The following EYS variants were observed in gnomAD, a reference collection of about 807,000 sequenced individuals.
EYS encodes protein eyes shut homolog.
Under a neutral mutation model 282.1 loss-of-function variants are expected in EYS, and 250 were observed. That is an observed-to-expected ratio of 0.89 (90% CI 0.80 to 0.98). The LOEUF is 0.98. Ranked by LOEUF, EYS falls within the 50% of genes least tolerant of loss-of-function variation. EYS has a pLI of 0.00. For synonymous variants in EYS, 1,355 were observed against 1,282.9 expected (o/e 1.06, Z -1.20); for missense variants, 4,016 against 3,709.0 (o/e 1.08, Z -2.15).
At chr6:64,321,500 G>A (rs984659729) in intron 29 of EYS, among the ~76,000 whole-genome samples, 2 of 151,824 alleles carry the variant, frequency 1.3e-5, no homozygotes, top group Admixed American at 1.3e-4. Flanking sequence ...ATATTATGGT[G>A]AGTAAATTAA....
intron 29 of EYS, among the ~76,000 whole-genome samples, chr6:64,352,864 C>A (rs1771689401): frequency 6.6e-6 from 1 of 151,498 alleles, no homozygotes; most frequent in Admixed American, 6.6e-5. Context: ...TCTTGCTCAA[C>A]TCCTTCCAAA....
rs180962994 is a variant in EYS at position 64,594,704 on chromosome 6, G to C, written c.3685-1395C>G. ...CGGGGACTGTTGTGGGGTGGGGGGA[G>C]GGGGAGGGATAGCATTAGGAGATAT... On this transcript the variant is annotated intron_variant, in intron 24 of 42. Coordinates refer to ENST00000503581, the MANE Select transcript of EYS (RefSeq NM_001142800.2). Among the ~76,000 whole-genome samples, 354 of 125,100 alleles carry C rather than the reference G, an allele frequency of 2.8e-3. 8 individuals are homozygous for C. Among genetic ancestry groups the C allele is most frequent in the African/African-American group, 9.8e-3 (327 of 33,490 alleles). The allele number at this position is 125,100 out of a possible 152,430, so 82.1% of individuals were successfully genotyped here.
chr6:64,773,623 A>G (rs1339938871), intron 22 of EYS, among the ~76,000 whole-genome samples: 4 of 151,818 alleles, frequency 2.6e-5, no homozygotes, highest in Admixed American at 6.6e-5. Flanking sequence ...TTTCTCTGCA[A>G]TCTCACCAGA....
At chr6:65,270,262 C>G (rs1767862911) in intron 12 of EYS, among the ~76,000 whole-genome samples, 2 of 152,294 alleles carry the variant, frequency 1.3e-5, no homozygotes, top group South Asian at 2.1e-4. Context: ...AGCAAGGAAA[C>G]TCCAGGTGAT....
chr6:65,425,603 G>A (rs190827244), intron 5 of EYS, among the ~76,000 whole-genome samples: 1 of 152,256 alleles, frequency 6.6e-6, no homozygotes, highest in East Asian at 1.9e-4. Context: ...AAGCATTTAT[G>A]TTAAACTTGG....
At chr6:65,097,447 C>CA (rs1774771325) in intron 12 of EYS, among the ~76,000 whole-genome samples, 1 of 150,734 alleles carries the variant, frequency 6.6e-6, no homozygotes, top group African/African-American at 2.4e-5. Context: ...AAATTCCTCT[C>CA]AAAATGGTAA....
intron 34 of EYS, among the ~76,000 whole-genome samples, chr6:63,993,894 G>A (rs1767714949): frequency 4.0e-5 from 6 of 151,836 alleles, no homozygotes; most frequent in Admixed American, 3.3e-4. Flanking sequence ...TGACTTCACA[G>A]TATATTACAG....
In EYS at chr6:65,315,387, T is replaced by G. The variant is rs115775770; in HGVS notation, c.1767-19268A>C. On this transcript the variant is annotated intron_variant, in intron 11 of 42. Coordinates refer to ENST00000503581, the MANE Select transcript of EYS (RefSeq NM_001142800.2). ...TGGATGAACATTGCTGTAAAACTATTCAAGTTAAAAAATAATATTTCCAGT... is the reference window on the plus strand; with the variant it reads ...TGGATGAACATTGCTGTAAAACTATGCAAGTTAAAAAATAATATTTCCAGT... Among the ~76,000 whole-genome samples, 1,445 of 152,274 alleles carry G rather than the reference T, an allele frequency of 9.5e-3. 25 individuals carry two copies. The highest frequency in any genetic ancestry group is 0.033 in the African/African-American group (1,353 of 41,544).
intron 22 of EYS, among the ~76,000 whole-genome samples, chr6:64,710,511 A>T (rs887521083): frequency 1.3e-5 from 2 of 152,212 alleles, no homozygotes; most frequent in East Asian, 3.9e-4. Flanking sequence ...GAAACCTGGA[A>T]TTGGGCCCTT....
intron 33 of EYS, among the ~76,000 whole-genome samples, chr6:64,009,514 G>A (rs1362527101): frequency 2.0e-5 from 3 of 152,062 alleles, no homozygotes; most frequent in Non-Finnish European, 4.4e-5. Flanking sequence ...TCAATCTCTT[G>A]ACCTCGTGAT....
At chr6:65,448,721 AAAT>A (rs1339335824) in intron 5 of EYS, among the ~76,000 whole-genome samples, 2 of 152,026 alleles carry the variant, frequency 1.3e-5, no homozygotes, top group African/African-American at 4.8e-5. Flanking sequence ...GACTTCTTTG[AAAT>A]AATTTTTTTC....
chr6:65,544,556 A>C (rs1424516193), intron 2 of EYS, among the ~76,000 whole-genome samples: 1 of 152,064 alleles, frequency 6.6e-6, no homozygotes, highest in African/African-American at 2.4e-5. Context: ...GTGAAGAAGA[A>C]TGTGTTCACT....
intron 36 of EYS, among the ~76,000 whole-genome samples, chr6:63,812,208 C>T (rs1303054831): frequency 6.6e-6 from 1 of 152,186 alleles, no homozygotes; most frequent in East Asian, 1.9e-4. Flanking sequence ...CATTCTGCTG[C>T]AGCCATGCTA....
At chr6:63,859,236 G>A (rs767581104) in intron 36 of EYS, among the ~76,000 whole-genome samples, 1 of 151,768 alleles carries the variant, frequency 6.6e-6, no homozygotes, top group Non-Finnish European at 1.5e-5. Context: ...TGCCCATTAT[G>A]TGTTAAGCAC....
In EYS at chr6:64,254,914, G is replaced by A. The variant is rs1051255490; in HGVS notation, c.6192-24090C>T. 2.0e-4 allele frequency among the ~76,000 whole-genome samples: 31 copies of A among 152,218 alleles called. 1 individual carries two copies. Among genetic ancestry groups the A allele is most frequent in the Admixed American group, 1.8e-3 (28 of 15,258 alleles). ...AGCAAAGTGAAAAGAGGGGAAGGAC[G>A]AAGTTTTGAAGACTATTAGATTTAA... On this transcript the variant is annotated intron_variant, in intron 30 of 42. Coordinates refer to ENST00000503581, the MANE Select transcript of EYS (RefSeq NM_001142800.2).
intron 28 of EYS, among the ~76,000 whole-genome samples, chr6:64,396,830 T>C (rs1413540666): frequency 6.6e-6 from 1 of 152,108 alleles, no homozygotes; most frequent in Non-Finnish European, 1.5e-5. Flanking sequence ...AAAAGTACAG[T>C]ATTTAATACA....
At chr6:64,521,244 A>C (rs1446447675) in intron 26 of EYS, among the ~76,000 whole-genome samples, 1 of 151,804 alleles carries the variant, frequency 6.6e-6, no homozygotes, top group African/African-American at 2.4e-5. Flanking sequence ...GTTAGGTTAC[A>C]GTTTGCTATG....
At chr6:64,304,200 C>G (rs1470201982) in intron 30 of EYS, among the ~76,000 whole-genome samples, 1 of 152,174 alleles carries the variant, frequency 6.6e-6, no homozygotes, top group Admixed American at 6.5e-5. Context: ...ATCTGTGTCC[C>G]TGTACATCTT....
chr6:65,184,040 G>C (rs1440099858), intron 12 of EYS, among the ~76,000 whole-genome samples: 2 of 151,846 alleles, frequency 1.3e-5, no homozygotes, highest in Non-Finnish European at 2.9e-5. Flanking sequence ...GTCTTTTGTT[G>C]CACTGACTTG....
Sources: allele counts gnomAD v4.1 joint callset (sites outside exome capture counted in the v4.1 genomes callset), GRCh38; gene constraint gnomAD v4.1.1; transcripts MANE v1.5; gene names NCBI Gene and HGNC (gene_info 2026-07-23, HGNC 2026-07-21).